The following MEIKIN variants were observed in gnomAD, a reference collection of about 807,000 sequenced individuals.
MEIKIN encodes the protein meiosis-specific kinetochore protein.
At chr5:131,913,929 A>T (rs1198556297) in intron 7 of MEIKIN, among the ~76,000 whole-genome samples, 1 of 152,196 alleles carries the variant, frequency 6.6e-6, no homozygotes, top group African/African-American at 2.4e-5. Flanking sequence ...TTAATAGCCA[A>T]CGTGGTAGTA....
intron 8 of MEIKIN, among the ~76,000 whole-genome samples, chr5:131,893,614 G>T (rs1266330192): frequency 6.6e-6 from 1 of 152,186 alleles, no homozygotes; most frequent in Non-Finnish European, 1.5e-5. Flanking sequence ...CCACTTTCCA[G>T]CACTCCCCAG....
At chr5:131,830,361 C>A (rs184101673) in intron 11 of MEIKIN, among the ~76,000 whole-genome samples, 1 of 152,320 alleles carries the variant, frequency 6.6e-6, no homozygotes, top group East Asian at 1.9e-4. Context: ...CGTGCCACTG[C>A]ACTCCAGCCT....
chr5:131,872,129 C>T (rs1433113606), intron 9 of MEIKIN, among the ~76,000 whole-genome samples: 93 of 152,062 alleles, frequency 6.1e-4, no homozygotes, highest in Middle Eastern at 3.4e-3. Flanking sequence ...TCACCAGCAA[C>T]GGAACAAAGC....
chr5:131,816,135 T>C (rs1030180207), intron 12 of MEIKIN, among the ~76,000 whole-genome samples: 3 of 152,192 alleles, frequency 2.0e-5, no homozygotes, highest in Non-Finnish European at 4.4e-5. Context: ...GCAGGAGAGT[T>C]GTAGCATGTT....
At chr5:131,830,024 C>G (rs1159840638) in intron 11 of MEIKIN, among the ~76,000 whole-genome samples, 1 of 152,150 alleles carries the variant, frequency 6.6e-6, no homozygotes, top group Non-Finnish European at 1.5e-5. Flanking sequence ...ATAATTTACT[C>G]TAGGAGAAAC....
At chr5:131,813,844 C>A (rs1212783791) in intron 12 of MEIKIN, among the ~76,000 whole-genome samples, 2 of 152,080 alleles carry the variant, frequency 1.3e-5, no homozygotes, top group Non-Finnish European at 2.9e-5. Context: ...AATATATATA[C>A]ATAAAAGGGA....
intron 8 of MEIKIN, among the ~76,000 whole-genome samples, chr5:131,910,904 A>G (rs1751326174): frequency 6.6e-6 from 1 of 152,130 alleles, no homozygotes; most frequent in Admixed American, 6.6e-5. Flanking sequence ...TTCCACAGCT[A>G]AAGCAACACT....
intron 3 of MEIKIN, among the ~76,000 whole-genome samples, chr5:131,943,723 T>C (rs993964329): frequency 1.3e-5 from 2 of 152,124 alleles, no homozygotes; most frequent in East Asian, 3.8e-4. Flanking sequence ...CAAGGACTAC[T>C]TTACACTGTT....
intron 8 of MEIKIN, among the ~76,000 whole-genome samples, chr5:131,906,192 T>C (rs1379033131): frequency 6.6e-6 from 1 of 152,078 alleles, no homozygotes; most frequent in African/African-American, 2.4e-5. Context: ...AACCATTCCA[T>C]TAAAAAGTGG....
At chr5:131,893,540 G>A (rs951503526) in intron 8 of MEIKIN, among the ~76,000 whole-genome samples, 4 of 152,176 alleles carry the variant, frequency 2.6e-5, no homozygotes, top group Admixed American at 6.5e-5. Flanking sequence ...TGCACTTCCC[G>A]GGTGAGGCGA....
In MEIKIN at chr5:131,928,130, C is replaced by T. The variant is rs567324816; in HGVS notation, c.478+5383G>A. 7.1e-3 allele frequency among the ~76,000 whole-genome samples: 810 copies of T among 113,854 alleles called. 7 individuals are homozygous for T. Among genetic ancestry groups the T allele is most frequent in the African/African-American group, 0.026 (774 of 29,720 alleles). 74.7% of individuals were successfully genotyped at this position (113,854 alleles called of 152,430 possible). On this transcript the variant is annotated intron_variant, in intron 5 of 12. Coordinates refer to ENST00000442687, the MANE Select transcript of MEIKIN (RefSeq NM_001303622.2). Reference sequence around the variant, plus strand: ...CTGCACTCCAGCCTGGGCGACAGAGCAAAACTCCGTCTCAAAAAAAAAAAA... The same window carrying T: ...CTGCACTCCAGCCTGGGCGACAGAGTAAAACTCCGTCTCAAAAAAAAAAAA...
intron 8 of MEIKIN, 104 bp from the exon 9 acceptor site, chr5:131,879,152 G>A (rs115049348): frequency 2.5e-6 from 1 of 392,192 alleles, no homozygotes; most frequent in African/African-American, 2.1e-5. Flanking sequence ...AATAATATTT[G>A]TAAAACCCCT....
At chr5:131,851,424 T>C in intron 10 of MEIKIN, 41 bp from the exon 11 acceptor site, 1 of 396,784 alleles carries the variant, frequency 2.5e-6, no homozygotes, top group Non-Finnish European at 4.5e-6. Flanking sequence ...AGTTAAACAT[T>C]GCAAAAGCAA....
chr5:131,814,707 A>G (rs1773069165), intron 12 of MEIKIN, among the ~76,000 whole-genome samples: 1 of 152,220 alleles, frequency 6.6e-6, no homozygotes, highest in Non-Finnish European at 1.5e-5. Context: ...TAGGATAATC[A>G]AGTCTGTGGA....
chr5:131,868,575 T>C (rs188228998), intron 9 of MEIKIN, among the ~76,000 whole-genome samples: 111 of 152,282 alleles, frequency 7.3e-4, no homozygotes, highest in South Asian at 6.0e-3. Flanking sequence ...TTGTTGTTGT[T>C]GTTTTTATTT....
chr5:131,834,900 T>C (rs1749775446), intron 11 of MEIKIN, among the ~76,000 whole-genome samples: 1 of 152,080 alleles, frequency 6.6e-6, no homozygotes, highest in African/African-American at 2.4e-5. Flanking sequence ...ATGATACCAA[T>C]TTAAATTCAT....
At chr5:131,931,862 T>C (rs1751698257) in intron 5 of MEIKIN, among the ~76,000 whole-genome samples, 2 of 152,206 alleles carry the variant, frequency 1.3e-5, no homozygotes, top group South Asian at 2.1e-4. Flanking sequence ...CTCTTTTTAA[T>C]GTTAGAGGCT....
chr5:131,930,479 C>T (rs1460337651), intron 5 of MEIKIN, among the ~76,000 whole-genome samples: 2 of 152,100 alleles, frequency 1.3e-5, no homozygotes, highest in Admixed American at 1.3e-4. Context: ...TGTGCAGAAG[C>T]TCTTCAGTTT....
chr5:131,885,371 G>GAGAGAGAGAGAGAGAA (rs1750771713), intron 8 of MEIKIN, among the ~76,000 whole-genome samples: 1 of 44,146 alleles, frequency 2.3e-5, no homozygotes, highest in Non-Finnish European at 5.7e-5. Context: ...GAGAGAGAGA[G>GAGAGAGAGAGAGAGAA]AGAGAGAGAG....
Sources: allele counts gnomAD v4.1 joint callset (sites outside exome capture counted in the v4.1 genomes callset), GRCh38; gene constraint gnomAD v4.1.1; transcripts MANE v1.5; gene names NCBI Gene and HGNC (gene_info 2026-07-23, HGNC 2026-07-21).